SIGLEC10: variants seen among roughly 807,000 people sequenced by gnomAD.
SIGLEC10 encodes sialic acid-binding Ig-like lectin 10.
SIGLEC10 carries 45 observed loss-of-function variants against 68.3 expected under a neutral mutation model. That is an observed-to-expected ratio of 0.66 (90% CI 0.52 to 0.84). The LOEUF (loss-of-function observed/expected upper bound fraction) is 0.84. SIGLEC10 is among the 40% of genes least tolerant of loss of function. The pLI, the probability that SIGLEC10 is intolerant of heterozygous loss-of-function variation, is 0.00. For synonymous variants in SIGLEC10, 379 were observed against 370.8 expected, an observed-to-expected ratio of 1.02 and a Z score of -0.26; for missense variants, 789 against 883.1, an observed-to-expected ratio of 0.89 and a Z score of 1.35.
chr19:51,416,018 C>T lies in SIGLEC10; in HGVS notation c.904G>A (p.Gly302Ser), dbSNP rs1396678091. 1 of 1,613,334 alleles carries T rather than the reference C, an allele frequency of 6.2e-7. No individual in the cohort carries two copies. The highest frequency in any genetic ancestry group is 1.1e-5 in the South Asian group (1 of 91,034). The change falls in exon 5 of 11, where the codon GGC becomes AGC. Residue 302 changes from glycine (G) to serine (S), a missense_variant. Gly to Ser is a moderately conservative substitution (Grantham distance 56). Transcript: ENST00000339313. ...AGCTCCAGCCCCAGGGGTCTAGGGC[C>T]CCAGGGATGGGACGAGGAGAGGACT... Reference protein sequence around the residue: ...NRVLSSSHPWGPRPLGLELPG... With the variant: ...NRVLSSSHPWSPRPLGLELPG...
At position 51,415,348 on chromosome 19, in the gene SIGLEC10, G is replaced by A. The variant is rs534473034; in HGVS notation, c.1163C>T (p.Ala388Val). The change falls in exon 7 of 11, where the codon GCC becomes GTC. Residue 388 changes from alanine (A) to valine (V), a missense_variant. Transcript: ENST00000339313. Reference protein sequence around the residue: ...LVCVTHSSPPARLSWTQRGQV... With the variant: ...LVCVTHSSPPVRLSWTQRGQV... ...TCCCCTCTGGGTCCAGCTCAGCCTG[G>A]CTGGGGGGCTGCTGTGTGTGACACA... 4 of 1,613,310 alleles carry A rather than the reference G, an allele frequency of 2.5e-6. No individual in the cohort carries two copies. Among genetic ancestry groups the A allele is most frequent in the East Asian group, 4.5e-5 (2 of 44,870 alleles).
intron 10 of SIGLEC10, among the ~76,000 whole-genome samples, chr19:51,411,575 T>C (rs1308594848): frequency 6.6e-6 from 1 of 152,096 alleles, no homozygotes; most frequent in Non-Finnish European, 1.5e-5. Flanking sequence ...ATCAAGAAAT[T>C]TGAGCACCTT....
rs372246670 is a variant in SIGLEC10 at position 51,417,432 on chromosome 19, C to T, written c.71G>A (p.Arg24Gln). ...SQAMDGRFWI[R>Q]VQESVMVPEG... ...CGGCACCATCACTGACTCCTGCACT[C>T]GTATCCAGAATCTCCCATCCATAGC... Residue 24 changes from arginine to glutamine, a missense_variant, in exon 2 of 11, where the codon CGA (arginine) becomes CAA (glutamine). Coordinates refer to ENST00000339313, the MANE Select transcript of SIGLEC10 (RefSeq NM_033130.5). 34 of 1,613,740 alleles carry T rather than the reference C, an allele frequency of 2.1e-5. No homozygotes were observed. In the African/African-American group the frequency reaches 2.5e-4, roughly 12 times the overall value.
Position 51,414,709 on chromosome 19 carries a change from C to G in SIGLEC10, c.1615+115G>C. 1 of 1,525,126 alleles carries G rather than the reference C, an allele frequency of 6.6e-7. No homozygotes were observed. Among genetic ancestry groups the G allele is most frequent in the Non-Finnish European group, 9.0e-7 (1 of 1,111,808 alleles). 94.5% of individuals were successfully genotyped at this position (1,525,126 alleles called of 1,614,324 possible). A position where few individuals can be genotyped will look rare whatever the true frequency, so the allele number is the denominator to read the frequency against. The stretch of plus-strand genomic sequence containing the variant: ...CCCATTGTGTTTTCCTGTCTACATA[C>G]AGATGCCACGGGTCTGCTGTGTCCC... On this transcript the variant is annotated intron_variant, in intron 8 of 10. Coordinates refer to ENST00000339313, the MANE Select transcript of SIGLEC10 (RefSeq NM_033130.5). This position sits in a 1 kb window ranked among gnomAD's most constrained non-coding sequence, Gnocchi z 4.1.
In SIGLEC10 at chr19:51,416,805, T is replaced by TC; in HGVS notation, c.566dup (p.Thr190AsnfsTer59). ...AGAAGTGGGAGGTCGTTGGTTTGGT[T>TC]CCTTGGGAGGAGAGGGCAGCCCCCG... On this transcript the variant is annotated frameshift_variant, in exon 3 of 11. Coordinates refer to ENST00000339313, the MANE Select transcript of SIGLEC10 (RefSeq NM_033130.5). LOFTEE classifies it high-confidence loss of function. The TC allele has an allele frequency of 6.2e-7, 1 of 1,614,160 alleles. No individual in the cohort carries two copies. Among genetic ancestry groups the TC allele is most frequent in the Non-Finnish European group, 8.5e-7 (1 of 1,180,024 alleles).
chr19:51,414,912 G>T lies in SIGLEC10; in HGVS notation c.1527C>A (p.Leu509=), dbSNP rs1988426330. The T allele has an allele frequency of 6.2e-7, 1 of 1,614,008 alleles. No homozygotes were observed. Among genetic ancestry groups the T allele is most frequent in the African/African-American group, 1.3e-5 (1 of 74,938 alleles). The change falls in exon 8 of 11, where the codon CTC becomes CTA. Residue 509 remains leucine, a synonymous_variant. Coordinates refer to ENST00000339313, the MANE Select transcript of SIGLEC10 (RefSeq NM_033130.5). The surrounding 1 kb of genome is among the most constrained non-coding windows in gnomAD (Gnocchi z 4.1). The part of the protein sequence containing the change: ...AGPWANSSLS[L]HGGLSSGLRL... ...TGAGGCCGGAGCTGAGCCCTCCATGGAGGCTCAGGGAGCTGTTGGCCCAGG... is the reference window on the plus strand; with the variant it reads ...TGAGGCCGGAGCTGAGCCCTCCATGTAGGCTCAGGGAGCTGTTGGCCCAGG...
intron 5 of SIGLEC10, 46 bp downstream of exon 5, chr19:51,415,852 C>T: frequency 3.7e-6 from 6 of 1,610,582 alleles, no homozygotes; most frequent in Non-Finnish European, 5.1e-6. Context: ...CCCCTGTATC[C>T]CTCTGCCCTC....
In SIGLEC10 at chr19:51,415,308, G is replaced by T. The variant is rs751670258; in HGVS notation, c.1203C>A (p.Pro401=). The T allele has an allele frequency of 6.2e-7, 1 of 1,614,074 alleles. No individual in the cohort carries two copies. ...GGACCCCGGGGTCTGAGGGCTGGGA[G>T]GGGCTCAGAACCTGTCCCCTCTGGG... ...SWTQRGQVLS[P]SQPSDPGVLE... The change falls in exon 7 of 11, where the codon CCC becomes CCA. Residue 401 remains proline (P), a synonymous_variant. Transcript: ENST00000339313.
chr19:51,413,649 G>A, intron 10 of SIGLEC10, 63 bp downstream of exon 10: 4 of 1,458,558 alleles, frequency 2.7e-6, no homozygotes, highest in Non-Finnish European at 3.8e-6. Flanking sequence ...GGGTGCAAAA[G>A]TCAGAAAGTG....
intron 10 of SIGLEC10, among the ~76,000 whole-genome samples, chr19:51,412,359 T>C (rs1162339842): frequency 1.3e-5 from 2 of 151,816 alleles, no homozygotes; most frequent in Non-Finnish European, 2.9e-5. Flanking sequence ...TGCTGATGGA[T>C]TGGTTGTGGG....
rs916532125 is a variant in SIGLEC10 at position 51,410,076 on chromosome 19, T to C, written c.*1023A>G. ...AAGGAACAAAAGAATGGCTACTCCA[T>C]AGACAAGAGCAGCGCCTAGAGCTGC... is the stretch of plus-strand genomic sequence containing the variant. On this transcript the variant is annotated 3_prime_UTR_variant, in exon 11 of 11. Coordinates refer to ENST00000339313, the MANE Select transcript of SIGLEC10 (RefSeq NM_033130.5). 1 of 152,234 alleles carries C rather than the reference T, an allele frequency of 6.6e-6. No individual in the cohort carries two copies. The highest frequency in any genetic ancestry group is 2.4e-5 in the African/African-American group (1 of 41,460). 9.4% of individuals were successfully genotyped at this position (152,234 alleles called of 1,614,324 possible).
At chr19:51,411,542 A>G (rs543171051) in intron 10 of SIGLEC10, among the ~76,000 whole-genome samples, 171 bp from the exon 11 acceptor site, 5 of 152,296 alleles carry the variant, frequency 3.3e-5, no homozygotes, top group Admixed American at 6.5e-5. Flanking sequence ...CAAAAGTACA[A>G]TGACTGGTAA....
chr19:51,416,371 G>C lies in SIGLEC10; in HGVS notation c.707-14C>G. On this transcript the variant is annotated splice_polypyrimidine_tract_variant and intron_variant, in intron 3 of 10. Transcript: ENST00000339313. ...CTCTGGGGGCATCTGCAACAAGATT[G>C]TGAGCTGGCTTCAGGGAGGGACAAT... The C allele has an allele frequency of 6.2e-7, 1 of 1,614,144 alleles. No individual in the cohort carries two copies. The highest frequency in any genetic ancestry group is 1.6e-4 in the Middle Eastern group (1 of 6,062).
rs1380406943 is a variant in SIGLEC10 at position 51,411,005 on chromosome 19, A to C, written c.*94T>G. ...GAGAGAGAGAGAAAGAGAGAGAGAG[A>C]GGGAGAGAAGGAAACTTTGCACTCT... is the stretch of plus-strand genomic sequence containing the variant. On this transcript the variant is annotated 3_prime_UTR_variant, in exon 11 of 11. Transcript: ENST00000339313. The C allele has an allele frequency of 1.1e-5, 15 of 1,360,374 alleles. No homozygotes were observed. In the East Asian group the frequency reaches 3.5e-4, roughly 31 times the overall value. The allele number at this position is 1,360,374 out of a possible 1,614,324, so 84.3% of individuals were successfully genotyped here.
In SIGLEC10 at chr19:51,414,493, C is replaced by T. The variant is rs201661934; in HGVS notation, c.1638G>A (p.Thr546=). 2.9e-5 allele frequency: 47 copies of T among 1,613,790 alleles called. No individual in the cohort carries two copies. The highest frequency in any genetic ancestry group is 5.0e-5 in the Admixed American group (3 of 59,972). ...QLPDKKGLIS[T]AFSNGAFLGI... ...CCAGAAACGCTCCGTTGGAGAATGC[C>T]GTTGAGATGAGTCCCTTCTTATCTG... Residue 546 remains threonine (T), a synonymous_variant, in exon 9 of 11, where the codon ACG becomes ACA. Transcript: ENST00000339313. This position sits in a 1 kb window ranked among gnomAD's most constrained non-coding sequence, Gnocchi z 4.1.
At position 51,416,665 on chromosome 19, in the gene SIGLEC10, C is replaced by A; in HGVS notation, c.706+1G>T. 1 of 1,613,236 alleles carries A rather than the reference C, an allele frequency of 6.2e-7. No individual in the cohort carries two copies. The highest frequency in any genetic ancestry group is 8.5e-7 in the Non-Finnish European group (1 of 1,179,954). ...ACCCCACCCTCCCAGGCCACACTCA[C>A]AGGCCACACGGAGTCGGACGGTCCT... On this transcript the variant is annotated splice_donor_variant, in intron 3 of 10. Transcript: ENST00000339313. LOFTEE classifies it high-confidence loss of function.
In SIGLEC10 at chr19:51,414,721, G is replaced by T. The variant is rs1988401505; in HGVS notation, c.1615+103C>A. ...TCCTGTCTACATACAGATGCCACGGGTCTGCTGTGTCCCTCCAAGCTCCTG... is the reference window on the plus strand; with the variant it reads ...TCCTGTCTACATACAGATGCCACGGTTCTGCTGTGTCCCTCCAAGCTCCTG... On this transcript the variant is annotated intron_variant, in intron 8 of 10. Transcript: ENST00000339313. The surrounding 1 kb of genome is among the most constrained non-coding windows in gnomAD (Gnocchi z 4.1). 6.5e-7 allele frequency: 1 copy of T among 1,545,776 alleles called. No homozygotes were observed. Among genetic ancestry groups the T allele is most frequent in the Non-Finnish European group, 8.9e-7 (1 of 1,129,932 alleles).
intron 9 of SIGLEC10, 98 bp from the exon 10 acceptor site, chr19:51,413,921 G>A: frequency 2.3e-6 from 2 of 878,154 alleles, no homozygotes; most frequent in Admixed American, 2.0e-5. Flanking sequence ...AGTTACTACT[G>A]TTACCACTTG....
At chr19:51,411,728 C>G (rs1401033144) in intron 10 of SIGLEC10, among the ~76,000 whole-genome samples, 2 of 152,182 alleles carry the variant, frequency 1.3e-5, no homozygotes, top group African/African-American at 2.4e-5. Flanking sequence ...TGCCTGTGGT[C>G]CCAGCTACTC....
Sources: gnomAD v4.1 joint callset for allele counts (sites outside exome capture counted in the v4.1 genomes callset) on GRCh38, gnomAD v4.1.1 for gene constraint, Gnocchi (gnomAD v3.1) non-coding constraint, MANE v1.5 for transcripts, NCBI Gene and HGNC (gene_info 2026-07-23, HGNC 2026-07-21) for gene names.